Variants in CHD1L observed in about 807,000 individuals in gnomAD.
CHD1L encodes the protein chromodomain helicase DNA binding protein 1 like.
CHD1L carries 118 observed loss-of-function variants against 115.9 expected under a neutral mutation model. That is an observed-to-expected ratio of 1.02 (90% CI 0.88 to 1.19). The LOEUF (loss-of-function observed/expected upper bound fraction) is 1.19. Among genes scored for constraint, CHD1L ranks in the 50% most tolerant of loss-of-function variants. The pLI is 0.00. For synonymous variants in CHD1L, 411 were observed against 387.1 expected, an observed-to-expected ratio of 1.06 and a Z score of -0.72; for missense variants, 1,179 against 1,065.3, an observed-to-expected ratio of 1.11 and a Z score of -1.49.
At chr1:147,254,758 G>A in intron 2 of CHD1L, 112 bp from the exon 3 acceptor site, 2 of 635,138 alleles carry the variant, frequency 3.1e-6, no homozygotes, top group East Asian at 5.8e-5. Flanking sequence ...ATATTTCTTT[G>A]TAAAACAAGT....
At chr1:147,280,748 A>C (rs587704053) in intron 15 of CHD1L, among the ~76,000 whole-genome samples, 1 of 147,622 alleles carries the variant, frequency 6.8e-6, no homozygotes, top group Admixed American at 6.7e-5. Flanking sequence ...GTTCTTTTCT[A>C]TTCTGAGCAC....
the CHD1L span, among the ~76,000 whole-genome samples, chr1:147,221,970 A>T: frequency 6.6e-6 from 1 of 152,200 alleles, no homozygotes; most frequent in Non-Finnish European, 1.5e-5. Context: ...CCTGCATTTT[A>T]CAATTTTCTA....
chr1:147,263,774 A>C (rs1016405074), intron 6 of CHD1L, among the ~76,000 whole-genome samples: 8 of 151,270 alleles, frequency 5.3e-5, no homozygotes, highest in African/African-American at 1.9e-4. Flanking sequence ...TCCATTTGAG[A>C]TTCTCTGTGA....
At chr1:147,267,608 CT>C in intron 9 of CHD1L, 90 bp downstream of exon 9, 2 of 909,812 alleles carry the variant, frequency 2.2e-6, no homozygotes. Flanking sequence ...ATTGCATATA[CT>C]TACTTTGTCT....
rs1553960854 is a variant in CHD1L, at chr1:147,280,120, CAA to C, written c.1637_1638del (p.Lys546ArgfsTer7). ...GACCTGGAGTCCATCCTGGGAGAAACAAAAGATGGCCAGTGGGTCTCTGATGC... is the reference window on the plus strand; with the variant it reads ...GACCTGGAGTCCATCCTGGGAGAAACAAGATGGCCAGTGGGTCTCTGATGC... On this transcript the variant is annotated frameshift_variant, in exon 15 of 23. Coordinates refer to ENST00000369258, the MANE Select transcript of CHD1L (RefSeq NM_004284.6). LOFTEE classifies it high-confidence loss of function. 1.2e-5 allele frequency: 19 copies of C among 1,613,392 alleles called. No individual in the cohort carries two copies. In the Admixed American group the frequency reaches 3.2e-4, roughly 27 times the overall value.
chr1:147,285,189 A>C (rs1488860972), intron 16 of CHD1L, 135 bp from the exon 17 acceptor site: 1 of 1,003,932 alleles, frequency 1.0e-6, no homozygotes, highest in East Asian at 2.5e-5. Context: ...TCCAGTTCCC[A>C]CCATGCAGGG....
chr1:147,177,491 A>G, the CHD1L span, among the ~76,000 whole-genome samples: 24 of 152,172 alleles, frequency 1.6e-4, no homozygotes, highest in Non-Finnish European at 3.2e-4. Flanking sequence ...AGTCAAGCCT[A>G]GTAAATGTTT....
rs1162028283 is a variant in CHD1L, at chr1:147,278,523, G to GATT, written c.1540-1503_1540-1502insATT. On this transcript the variant is annotated intron_variant, in intron 14 of 22. Coordinates refer to ENST00000369258, the MANE Select transcript of CHD1L (RefSeq NM_004284.6). ...CAGGCATGAGCCACTGCGCCTGGGG[G>GATT]TATTTTTTTTTTTTTAAATACCAAG... Among the ~76,000 whole-genome samples, 53 of 147,742 alleles carry GATT rather than the reference G, an allele frequency of 3.6e-4. 1 individual carries two copies. The highest frequency in any genetic ancestry group is 4.7e-4 in the African/African-American group (19 of 40,164).
At chr1:147,178,606 A>T in the CHD1L span, 6 of 1,599,918 alleles carry the variant, frequency 3.8e-6, no homozygotes, top group South Asian at 6.6e-5. Flanking sequence ...TGATTCATTC[A>T]GTGAAGCTCA....
intron 19 of CHD1L, 148 bp downstream of exon 19, chr1:147,287,881 C>T: frequency 1.6e-6 from 1 of 631,576 alleles, no homozygotes; most frequent in South Asian, 2.2e-5. Context: ...GCTACTTGTT[C>T]TGTGACTTCA....
Position 147,285,475 on chromosome 1 carries a change from A to T in CHD1L, c.2006A>T (p.Glu669Val), listed in dbSNP as rs1382756923. 6.2e-7 allele frequency: 1 copy of T among 1,611,170 alleles called. No homozygotes were observed. The highest frequency in any genetic ancestry group is 1.7e-5 in the Admixed American group (1 of 59,368). ...AAGAAGAGGCAAAAGGAAGAGGCTG[A>T]ACATAAGAAAAAGTATGTCTGCGTT... Reference protein sequence around the residue: ...EEKKRQKEEAEHKKKMAWWES... With the variant: ...EEKKRQKEEAVHKKKMAWWES... Residue 669 changes from glutamate (E) to valine (V), a missense_variant, in exon 17 of 23, where the codon GAA becomes GTA. Coordinates refer to ENST00000369258, the MANE Select transcript of CHD1L (RefSeq NM_004284.6).
the CHD1L span, among the ~76,000 whole-genome samples, chr1:147,229,088 A>C: frequency 0.14 from 20,848 of 151,722 alleles, 1,871 homozygotes; most frequent in East Asian, 0.42. Context: ...CTTGCCCATG[A>C]CTATGTCCTG....
At chr1:147,251,532 T>A (rs1417948911) in intron 1 of CHD1L, among the ~76,000 whole-genome samples, 2 of 152,146 alleles carry the variant, frequency 1.3e-5, no homozygotes, top group African/African-American at 4.8e-5. Flanking sequence ...TTTATTTATT[T>A]TTATTATTAT....
At chr1:147,180,228 G>A in the CHD1L span, among the ~76,000 whole-genome samples, 1 of 152,108 alleles carries the variant, frequency 6.6e-6, no homozygotes, top group East Asian at 1.9e-4. Flanking sequence ...TTCTTCAAAT[G>A]AGAGAATTTG....
the CHD1L span, chr1:147,213,158 T>C: frequency 1.5e-6 from 1 of 646,906 alleles, no homozygotes; most frequent in East Asian, 3.2e-5. Context: ...TAATACAAGT[T>C]ACCCCAACAT....
the CHD1L span, chr1:147,208,947 C>A: frequency 1.9e-6 from 3 of 1,613,976 alleles, no homozygotes; most frequent in South Asian, 3.3e-5. Flanking sequence ...CACAGATCTT[C>A]CATATAAAAT....
the CHD1L span, among the ~76,000 whole-genome samples, chr1:147,232,744 G>T: frequency 1.3e-5 from 2 of 152,302 alleles, no homozygotes; most frequent in South Asian, 4.1e-4. Flanking sequence ...TGAGTGATAT[G>T]CCAGCCTCGG....
chr1:147,204,592 A>G, the CHD1L span: 1 of 1,592,540 alleles, frequency 6.3e-7, no homozygotes, highest in Non-Finnish European at 8.6e-7. Context: ...TTCTTCAGCT[A>G]ATTCCAGGAG....
chr1:147,213,480 A>G, the CHD1L span: 7 of 1,593,060 alleles, frequency 4.4e-6, no homozygotes, highest in Non-Finnish European at 5.1e-6. Flanking sequence ...TCTGAAAAGA[A>G]AAGTGATAAC....
Sources: gnomAD v4.1 joint callset for allele counts (sites outside exome capture counted in the v4.1 genomes callset) on GRCh38, gnomAD v4.1.1 for gene constraint, MANE v1.5 for transcripts, NCBI Gene and HGNC (gene_info 2026-07-23, HGNC 2026-07-21) for gene names.